FERMT3: variants seen among roughly 807,000 people sequenced by gnomAD.
The protein encoded by FERMT3 is fermitin family homolog 3.
Under a neutral mutation model 80.8 loss-of-function variants are expected in FERMT3, and 33 were observed. The ratio of observed to expected loss-of-function variants is 0.41; its 90% CI spans 0.31 to 0.55. The LOEUF is 0.55. Among genes scored for constraint, FERMT3 ranks in the 20% least tolerant of loss-of-function variants. The probability of loss-of-function intolerance (pLI) is 0.31; values close to 1 mark genes in which losing one functional copy is unlikely to be tolerated. For missense variants in FERMT3, 754 were observed against 908.7 expected, an observed-to-expected ratio of 0.83 and a Z score of 2.19; for synonymous variants, 375 against 372.2, an observed-to-expected ratio of 1.01 and a Z score of -0.09.
intron 6 of FERMT3, among the ~76,000 whole-genome samples, chr11:64,218,160 C>T (rs1476592148): frequency 3.3e-5 from 5 of 152,116 alleles, no homozygotes; most frequent in African/African-American, 7.2e-5. Flanking sequence ...CCCGCCACCA[C>T]GCCTGGCTAA....
chr11:64,207,746 G>A, intron 2 of FERMT3: 1 of 568,972 alleles, frequency 1.8e-6, no homozygotes, highest in Admixed American at 3.2e-5. Context: ...GTCTGCTAAG[G>A]ATCAGACGCA....
Position 64,211,579 on chromosome 11 carries a change from A to C in FERMT3, c.684-66A>C. 3 of 1,529,974 alleles carry C rather than the reference A, an allele frequency of 2.0e-6. No homozygotes were observed. The highest frequency in any genetic ancestry group is 2.3e-5 in the East Asian group (1 of 43,346). 94.8% of individuals were successfully genotyped at this position (1,529,974 alleles called of 1,614,324 possible). Reference sequence around the variant, plus strand: ...CTGTGTGTGCTTGTCCCCCCAGCCCAGCCCCCCTCCCCACCCCACGGCCGT... The same window carrying C: ...CTGTGTGTGCTTGTCCCCCCAGCCCCGCCCCCCTCCCCACCCCACGGCCGT... On this transcript the variant is annotated intron_variant, in intron 5 of 14. Coordinates refer to ENST00000345728, the MANE Select transcript of FERMT3 (RefSeq NM_031471.6). The surrounding 1 kb of genome is among the most constrained non-coding windows in gnomAD (Gnocchi z 4.7).
intron 6 of FERMT3, among the ~76,000 whole-genome samples, chr11:64,214,928 A>G (rs1236674956): frequency 1.3e-5 from 2 of 150,416 alleles, no homozygotes; most frequent in Non-Finnish European, 3.0e-5. Context: ...TCAGCCTCCC[A>G]CATAGCTGGG....
intron 10 of FERMT3, 86 bp from the exon 11 acceptor site, chr11:64,220,134 G>T: frequency 6.4e-7 from 1 of 1,574,110 alleles, no homozygotes; most frequent in Non-Finnish European, 8.7e-7. Flanking sequence ...CTGTCCTGAG[G>T]TGACGGTGTG....
chr11:64,208,483 G>T (rs1375840393), intron 2 of FERMT3, among the ~76,000 whole-genome samples: 1 of 152,218 alleles, frequency 6.6e-6, no homozygotes, highest in Non-Finnish European at 1.5e-5. Flanking sequence ...GTTCCCTGTG[G>T]TGGGGATACT....
At chr11:64,213,661 A>G (rs1031614046) in intron 6 of FERMT3, among the ~76,000 whole-genome samples, 3 of 148,516 alleles carry the variant, frequency 2.0e-5, no homozygotes, top group Non-Finnish European at 4.5e-5. Context: ...GGGTTCAAGC[A>G]GTTCTCCTGC....
rs765997084 is a variant in FERMT3, at chr11:64,219,351, C to T, written c.887C>T (p.Ala296Val). The T allele has an allele frequency of 4.0e-5, 64 of 1,598,990 alleles. No homozygotes were observed. Among genetic ancestry groups the T allele is most frequent in the Non-Finnish European group, 5.4e-5 (63 of 1,173,336 alleles). The change falls in exon 7 of 15, where the codon GCC becomes GTC. Residue 296 changes from alanine (A) to valine (V), a missense_variant. By Grantham distance (64) the Ala-to-Val change is moderately conservative. Coordinates refer to ENST00000345728, the MANE Select transcript of FERMT3 (RefSeq NM_031471.6). The surrounding 1 kb of genome is among the most constrained non-coding windows in gnomAD (Gnocchi z 4.0). ...CTEEEMMVFA[A>V]LQYHINKLSQ... Reference sequence around the variant, plus strand: ...GAGGAGGAGATGATGGTGTTTGCCGCCCTGCAGGTACCAGGCGGGCCTGGG... The same window carrying T: ...GAGGAGGAGATGATGGTGTTTGCCGTCCTGCAGGTACCAGGCGGGCCTGGG...
chr11:64,220,640 C>A lies in FERMT3; in HGVS notation c.1516C>A (p.Arg506Ser), dbSNP rs184091587. ...GLNPYGLVAP[R>S]FQRKFKAKQL... ...CAACCCCTACGGCCTCGTTGCCCCC[C>A]GTTTCCAGCGAAAGTTCAAGGCCAA... is the stretch of plus-strand genomic sequence containing the variant. Residue 506 changes from arginine to serine, a missense_variant, in exon 12 of 15, where the codon CGT (arginine) becomes AGT (serine). Physicochemically the swap from Arg to Ser is moderately radical, Grantham distance 110. Coordinates refer to ENST00000345728, the MANE Select transcript of FERMT3 (RefSeq NM_031471.6). The A allele has an allele frequency of 8.7e-6, 14 of 1,611,514 alleles. No individual in the cohort carries two copies. The African/African-American group carries it at 1.6e-4, about 18-fold the overall frequency.
chr11:64,213,192 A>G (rs2134854121), intron 6 of FERMT3, among the ~76,000 whole-genome samples: 2 of 151,736 alleles, frequency 1.3e-5, no homozygotes, highest in South Asian at 4.2e-4. Context: ...GGGCCTGGCT[A>G]ATTTTTGTAT....
In FERMT3 at chr11:64,219,292, G is replaced by C. The variant is rs1946620222; in HGVS notation, c.828G>C (p.Arg276=). 6.2e-7 allele frequency: 1 copy of C among 1,608,968 alleles called. No individual in the cohort carries two copies. The highest frequency in any genetic ancestry group is 1.1e-5 in the South Asian group (1 of 90,212). The part of the protein sequence containing the change: ...VRLTQLYEQA[R]WDLLLEEIDC... ...TGACACAGCTGTATGAGCAGGCCCG[G>C]TGGGACCTGCTGCTGGAGGAGATTG... Residue 276 remains arginine, a synonymous_variant, in exon 7 of 15, where the codon CGG becomes CGC. Transcript: ENST00000345728. The surrounding 1 kb of genome is among the most constrained non-coding windows in gnomAD (Gnocchi z 4.0).
At position 64,221,084 on chromosome 11, in the gene FERMT3, C is replaced by G; in HGVS notation, c.1614C>G (p.Arg538=). ...TGTCGCTGGCAGAGGCCCAGCTGCGCTTCATCCAGGCCTGGCAGTCCCTGC... is the reference window on the plus strand; with the variant it reads ...TGTCGCTGGCAGAGGCCCAGCTGCGGTTCATCCAGGCCTGGCAGTCCCTGC... ...AQLSLAEAQL[R]FIQAWQSLPD... The change falls in exon 13 of 15, where the codon CGC becomes CGG. Residue 538 remains arginine, a synonymous_variant. Transcript: ENST00000345728. 1 of 1,612,366 alleles carries G rather than the reference C, an allele frequency of 6.2e-7. No individual in the cohort carries two copies. The highest frequency in any genetic ancestry group is 8.5e-7 in the Non-Finnish European group (1 of 1,180,022).
At chr11:64,218,897 ATG>A (rs1262204726) in intron 6 of FERMT3, among the ~76,000 whole-genome samples, 3 of 141,298 alleles carry the variant, frequency 2.1e-5, no homozygotes, top group Admixed American at 1.3e-4. Context: ...CTGAGGGCTC[ATG>A]TGAGCTTCCC....
intron 6 of FERMT3, among the ~76,000 whole-genome samples, chr11:64,214,866 G>T (rs769405401): frequency 6.7e-6 from 1 of 149,700 alleles, no homozygotes; most frequent in Non-Finnish European, 1.5e-5. Context: ...GCAATGGCGT[G>T]ATCTCGGCCC....
intron 6 of FERMT3, among the ~76,000 whole-genome samples, chr11:64,213,658 A>G (rs1416837754): frequency 6.6e-6 from 1 of 150,450 alleles, no homozygotes; most frequent in Non-Finnish European, 1.5e-5. Flanking sequence ...CCTGGGTTCA[A>G]GCAGTTCTCC....
At chr11:64,214,169 T>A (rs1228575489) in intron 6 of FERMT3, among the ~76,000 whole-genome samples, 1 of 44,308 alleles carries the variant, frequency 2.3e-5, no homozygotes, top group African/African-American at 1.3e-4. Flanking sequence ...CATAATTGCC[T>A]TTTTTTTTTT....
chr11:64,223,856 C>T lies in FERMT3; in HGVS notation c.*364C>T, dbSNP rs1403950992. ...TCTTTCTTGTTACTTTTTAAAATTT[C>T]TTTTTTATAAATTAATATTTTATTG... On this transcript the variant is annotated 3_prime_UTR_variant, in exon 15 of 15. Transcript: ENST00000345728. The T allele has an allele frequency of 6.6e-7, 1 of 1,504,926 alleles. No individual in the cohort carries two copies. The highest frequency in any genetic ancestry group is 9.0e-7 in the Non-Finnish European group (1 of 1,114,056). The allele number at this position is 1,504,926 out of a possible 1,614,324, so 93.2% of individuals were successfully genotyped here. A position where few individuals can be genotyped will look rare whatever the true frequency, so the allele number is the denominator to read the frequency against.
At position 64,223,508 on chromosome 11, in the gene FERMT3, C is replaced by T; in HGVS notation, c.*16C>T. The stretch of plus-strand genomic sequence containing the variant: ...GGCCTTCTGAGGGCTGTCTGATTGC[C>T]CCTGCCCTGCTCACCACCCTGTCAC... On this transcript the variant is annotated 3_prime_UTR_variant, in exon 15 of 15. Coordinates refer to ENST00000345728, the MANE Select transcript of FERMT3 (RefSeq NM_031471.6). The T allele has an allele frequency of 6.4e-7, 1 of 1,560,944 alleles. No homozygotes were observed. The highest frequency in any genetic ancestry group is 8.6e-7 in the Non-Finnish European group (1 of 1,167,110).
intron 6 of FERMT3, among the ~76,000 whole-genome samples, chr11:64,213,584 T>C (rs1591030692): frequency 8.6e-6 from 1 of 116,108 alleles, no homozygotes; most frequent in South Asian, 2.7e-4. Context: ...TGAGATGGAG[T>C]CTTGCTCTTG....
rs572874105 is a variant in FERMT3, at chr11:64,210,757, C to T, written c.307C>T (p.Arg103Trp). The change falls in exon 3 of 15, where the codon CGG (arginine) becomes TGG (tryptophan). Residue 103 changes from arginine to tryptophan, a missense_variant. Physicochemically the swap from Arg to Trp is moderately radical, Grantham distance 101. Coordinates refer to ENST00000345728, the MANE Select transcript of FERMT3 (RefSeq NM_031471.6). The surrounding 1 kb of genome is among the most constrained non-coding windows in gnomAD (Gnocchi z 4.3). The part of the protein sequence containing the change: ...FGPQHRPVIL[R>W]LPNRRALRLR... Reference sequence around the variant, plus strand: ...GCCCCAGCACCGGCCCGTCATCCTTCGGTTGCCCAACCGCCGCGCACTGCG... The same window carrying T: ...GCCCCAGCACCGGCCCGTCATCCTTTGGTTGCCCAACCGCCGCGCACTGCG... The T allele has an allele frequency of 6.6e-5, 106 of 1,614,148 alleles. No individual in the cohort carries two copies. Among genetic ancestry groups the T allele is most frequent in the Admixed American group, 8.3e-5 (5 of 60,030 alleles).
Sources: gnomAD v4.1 joint callset for allele counts (sites outside exome capture counted in the v4.1 genomes callset) on GRCh38, gnomAD v4.1.1 for gene constraint, Gnocchi (gnomAD v3.1) non-coding constraint, MANE v1.5 for transcripts, NCBI Gene and HGNC (gene_info 2026-07-23, HGNC 2026-07-21) for gene names.